CLEC6A: variants seen among roughly 807,000 people sequenced by gnomAD.
CLEC6A encodes the protein C-type lectin domain family 6 member A.
CLEC6A carries 22 observed loss-of-function variants against 25.7 expected under a neutral mutation model. The ratio of observed to expected loss-of-function variants is 0.85; its 90% CI spans 0.61 to 1.22. CLEC6A has a LOEUF of 1.22. Among genes scored for constraint, CLEC6A ranks in the 50% most tolerant of loss-of-function variants. The pLI, the probability that CLEC6A is intolerant of heterozygous loss-of-function variation, is 0.00. For missense variants in CLEC6A, 240 were observed against 236.8 expected (o/e 1.01, Z -0.09); for synonymous variants, 92 against 76.7 (o/e 1.20, Z -1.04).
chr12:8,469,315 C>T lies in CLEC6A; in HGVS notation c.369+3686C>T, dbSNP rs540124439. On this transcript the variant is annotated intron_variant, in intron 4 of 5. Transcript: ENST00000382073. ...CAAGCAAATGGAAACACATCCTATGCTCATGGATGATTAGAATCAATATTG... is the reference window on the plus strand; with the variant it reads ...CAAGCAAATGGAAACACATCCTATGTTCATGGATGATTAGAATCAATATTG... Among the ~76,000 whole-genome samples the T allele has an allele frequency of 4.6e-5, 7 of 152,200 alleles. No individual in the cohort carries two copies. In the East Asian group the frequency reaches 1.4e-3, roughly 29 times the overall value.
chr12:8,470,795 G>T (rs1939895230), intron 4 of CLEC6A, among the ~76,000 whole-genome samples: 1 of 152,068 alleles, frequency 6.6e-6, no homozygotes, highest in Non-Finnish European at 1.5e-5. Flanking sequence ...ATTGGGTACA[G>T]TGTACACTGC....
Position 8,477,340 on chromosome 12 carries a change from C to G in CLEC6A, c.506C>G (p.Pro169Arg), listed in dbSNP as rs1234858853. 2 of 1,610,152 alleles carry G rather than the reference C, an allele frequency of 1.2e-6. No homozygotes were observed. Among genetic ancestry groups the G allele is most frequent in the Non-Finnish European group, 1.7e-6 (2 of 1,177,952 alleles). ...TTTAGATTTTGGCACCTAGGTGAGCCCAATCATTCTGCAGAGCAATGTGCT... is the reference window on the plus strand; with the variant it reads ...TTTAGATTTTGGCACCTAGGTGAGCGCAATCATTCTGCAGAGCAATGTGCT... ...KNVRFWHLGE[P>R]NHSAEQCASI... The change falls in exon 6 of 6, where the codon CCC becomes CGC. Residue 169 changes from proline to arginine, a missense_variant. By Grantham distance (103) the Pro-to-Arg change is moderately radical (BLOSUM62 -2). Coordinates refer to ENST00000382073, the MANE Select transcript of CLEC6A (RefSeq NM_001007033.2).
intron 4 of CLEC6A, among the ~76,000 whole-genome samples, chr12:8,471,807 G>C (rs946759223): frequency 6.6e-6 from 1 of 151,838 alleles, no homozygotes; most frequent in African/African-American, 2.4e-5. Flanking sequence ...AATTTTCTTA[G>C]TTGGCTGATT....
At chr12:8,464,861 T>C (rs1439763432) in intron 3 of CLEC6A, among the ~76,000 whole-genome samples, 1 of 152,198 alleles carries the variant, frequency 6.6e-6, no homozygotes. Flanking sequence ...GTGTGAAAAT[T>C]AGTAATAGGT....
At chr12:8,464,361 T>A (rs4301855) in intron 3 of CLEC6A, among the ~76,000 whole-genome samples, 14 of 149,180 alleles carry the variant, frequency 9.4e-5, no homozygotes, top group South Asian at 2.1e-4. Context: ...ACGGAGTCTC[T>A]CTCTGTCGCC....
At chr12:8,475,669 T>C (rs1296832334) in intron 4 of CLEC6A, among the ~76,000 whole-genome samples, 1 of 152,062 alleles carries the variant, frequency 6.6e-6, no homozygotes, top group African/African-American at 2.4e-5. Context: ...CCTGAACAGA[T>C]TGGCTAATGC....
At chr12:8,459,015 G>A (rs1471142130) in intron 2 of CLEC6A, among the ~76,000 whole-genome samples, 3 of 152,066 alleles carry the variant, frequency 2.0e-5, no homozygotes, top group African/African-American at 7.2e-5. Flanking sequence ...TAGCCCATAT[G>A]TTTATGTGTG....
chr12:8,466,039 A>ACAT (rs1234359076), intron 4 of CLEC6A, among the ~76,000 whole-genome samples: 1 of 152,136 alleles, frequency 6.6e-6, no homozygotes, highest in East Asian at 1.9e-4. Flanking sequence ...ATGTGTATCT[A>ACAT]ACACTTGTTT....
intron 4 of CLEC6A, among the ~76,000 whole-genome samples, chr12:8,467,243 G>A (rs1031329360): frequency 6.6e-6 from 1 of 151,974 alleles, no homozygotes; most frequent in African/African-American, 2.4e-5. Flanking sequence ...CCATGATTTT[G>A]GTTTCATATC....
At chr12:8,475,382 ATATG>A (rs1939960735) in intron 4 of CLEC6A, among the ~76,000 whole-genome samples, 1 of 151,898 alleles carries the variant, frequency 6.6e-6, no homozygotes, top group South Asian at 2.1e-4. Flanking sequence ...ACACACACTC[ATATG>A]TATATATGAA....
chr12:8,464,946 C>T (rs1370320502), intron 3 of CLEC6A, among the ~76,000 whole-genome samples: 2 of 152,156 alleles, frequency 1.3e-5, no homozygotes, highest in Non-Finnish European at 2.9e-5. Flanking sequence ...TTAAGTCCCC[C>T]TGTGAGGTTG....
chr12:8,465,382 A>T, intron 3 of CLEC6A, 102 bp from the exon 4 acceptor site: 1 of 1,154,556 alleles, frequency 8.7e-7, no homozygotes, highest in Non-Finnish European at 1.2e-6. Context: ...GAAACAGTAA[A>T]AACGTGAATT....
At position 8,477,382 on chromosome 12, in the gene CLEC6A, A is replaced by G; in HGVS notation, c.548A>G (p.Lys183Arg). Residue 183 changes from lysine to arginine, a missense_variant, in exon 6 of 6, where the codon AAA (lysine) becomes AGA (arginine). Physicochemically the swap from Lys to Arg is conservative, Grantham distance 26 (BLOSUM62 2). Transcript: ENST00000382073. ...AEQCASIVFWKPTGWGWNDVI... is the reference protein window; with the variant it reads ...AEQCASIVFWRPTGWGWNDVI... ...CAATGTGCTTCAATAGTCTTCTGGA[A>G]ACCTACAGGATGGGGCTGGAATGAT... is the stretch of plus-strand genomic sequence containing the variant. 2 of 1,612,608 alleles carry G rather than the reference A, an allele frequency of 1.2e-6. No individual in the cohort carries two copies. Among genetic ancestry groups the G allele is most frequent in the East Asian group, 4.5e-5 (2 of 44,830 alleles).
chr12:8,475,992 A>T lies in CLEC6A; in HGVS notation c.370-133A>T, dbSNP rs75494581. 2.1e-3 allele frequency: 1,129 copies of T among 546,764 alleles called. 8 individuals are homozygous for T. The highest frequency in any genetic ancestry group is 0.019 in the African/African-American group (968 of 52,098). 33.9% of individuals were successfully genotyped at this position (546,764 alleles called of 1,614,324 possible). On this transcript the variant is annotated intron_variant, in intron 4 of 5. Coordinates refer to ENST00000382073, the MANE Select transcript of CLEC6A (RefSeq NM_001007033.2). ...ACTTTTGGCCTGTACTCCTGGTCAG[A>T]AGGCCATCATGTGACTGCTCCTTGC...
intron 3 of CLEC6A, among the ~76,000 whole-genome samples, chr12:8,465,220 T>G (rs758424654): frequency 6.9e-6 from 1 of 145,936 alleles, no homozygotes; most frequent in African/African-American, 2.5e-5. Flanking sequence ...ATAAGGGACA[T>G]GAAAAACAAA....
intron 4 of CLEC6A, among the ~76,000 whole-genome samples, chr12:8,474,296 C>T (rs1939942991): frequency 6.6e-6 from 1 of 152,196 alleles, no homozygotes; most frequent in Admixed American, 6.5e-5. Context: ...TATGATTACC[C>T]AGCTATCCAG....
At chr12:8,465,416 T>C (rs1939816703) in intron 3 of CLEC6A, 68 bp from the exon 4 acceptor site, 4 of 1,474,648 alleles carry the variant, frequency 2.7e-6, no homozygotes, top group Non-Finnish European at 3.8e-6. Flanking sequence ...TACAAAGCAA[T>C]TGCAGATCAT....
chr12:8,468,329 A>G (rs1939863774), intron 4 of CLEC6A, among the ~76,000 whole-genome samples: 2 of 152,198 alleles, frequency 1.3e-5, no homozygotes, highest in African/African-American at 4.8e-5. Context: ...TATTTTTTCT[A>G]CATTGATTTT....
chr12:8,460,861 C>T (rs895448102), intron 3 of CLEC6A: 60 of 899,486 alleles, frequency 6.7e-5, no homozygotes, highest in East Asian at 4.1e-4. Context: ...TACAACTTAC[C>T]GCAAGCCTGT....
Sources: gnomAD v4.1 joint callset for allele counts (sites outside exome capture counted in the v4.1 genomes callset) on GRCh38, gnomAD v4.1.1 for gene constraint, MANE v1.5 for transcripts, NCBI Gene and HGNC (gene_info 2026-07-23, HGNC 2026-07-21) for gene names.